Variants in SGCZ observed in about 807,000 individuals in gnomAD.
SGCZ encodes zeta-sarcoglycan.
A neutral mutation model predicts 41.3 loss-of-function variants in SGCZ; 40 were observed. The ratio of observed to expected loss-of-function variants is 0.97; its 90% CI spans 0.75 to 1.26. The LOEUF (loss-of-function observed/expected upper bound fraction) is 1.26. Ranked by LOEUF, SGCZ falls within the 50% of genes most tolerant of loss-of-function variation. SGCZ has a pLI of 0.00. For synonymous variants in SGCZ, 206 were observed against 137.5 expected (o/e 1.50, Z -3.49); for missense variants, 552 against 369.8 (o/e 1.49, Z -4.04).
chr8:14,479,390 C>T (rs78913447), intron 2 of SGCZ, among the ~76,000 whole-genome samples: 4,972 of 152,246 alleles, frequency 0.033, 257 homozygotes, highest in African/African-American at 0.11. Flanking sequence ...ATTTCAGCAG[C>T]GTTCGCAGCT....
intron 1 of SGCZ, among the ~76,000 whole-genome samples, chr8:14,850,190 T>C (rs1003470592): frequency 6.6e-6 from 1 of 152,228 alleles, no homozygotes; most frequent in East Asian, 1.9e-4. Context: ...TAAATTTCAT[T>C]ACATAATATT....
chr8:14,959,836 A>G (rs1475497993), intron 1 of SGCZ, among the ~76,000 whole-genome samples: 1 of 152,176 alleles, frequency 6.6e-6, no homozygotes, highest in African/African-American at 2.4e-5. Context: ...TCTTGTTTTT[A>G]GAAAAAGGAC....
At chr8:15,224,231 T>C (rs1394512774) in intron 1 of SGCZ, among the ~76,000 whole-genome samples, 1 of 152,178 alleles carries the variant, frequency 6.6e-6, no homozygotes, top group East Asian at 1.9e-4. Context: ...TTTTCTTCTT[T>C]CATAAAGATT....
intron 2 of SGCZ, among the ~76,000 whole-genome samples, chr8:14,423,089 A>G (rs963792948): frequency 6.6e-6 from 1 of 151,990 alleles, no homozygotes. Flanking sequence ...ATGAGTGTTC[A>G]TAGGTAAACC....
At chr8:14,329,237 C>G (rs918356364) in intron 2 of SGCZ, among the ~76,000 whole-genome samples, 9 of 152,082 alleles carry the variant, frequency 5.9e-5, no homozygotes, top group African/African-American at 2.2e-4. Context: ...TAACTGTTGA[C>G]TTTGACATGT....
intron 2 of SGCZ, among the ~76,000 whole-genome samples, chr8:14,518,996 G>C (rs1443733294): frequency 6.7e-6 from 1 of 150,348 alleles, no homozygotes; most frequent in African/African-American, 2.5e-5. Flanking sequence ...TTGAACCCAG[G>C]AGGCATAGTT....
intron 1 of SGCZ, among the ~76,000 whole-genome samples, chr8:14,967,341 C>T (rs547702523): frequency 7.2e-5 from 11 of 152,266 alleles, no homozygotes; most frequent in African/African-American, 2.4e-4. Context: ...TCTGGTCTAA[C>T]TGCCCATGGT....
At chr8:15,120,928 C>A (rs183733626) in intron 1 of SGCZ, among the ~76,000 whole-genome samples, 2 of 152,252 alleles carry the variant, frequency 1.3e-5, no homozygotes, top group African/African-American at 4.8e-5. Flanking sequence ...TGAAGATGGC[C>A]TTCTTTGGTA....
At chr8:14,976,032 T>A (rs71514481) in intron 1 of SGCZ, among the ~76,000 whole-genome samples, 53,740 of 145,822 alleles carry the variant, frequency 0.37, 10,654 homozygotes, top group Non-Finnish European at 0.43. Flanking sequence ...ATATATTTTT[T>A]TTTTTTCTGA....
chr8:14,804,742 C>T (rs1454606112), intron 1 of SGCZ, among the ~76,000 whole-genome samples: 3 of 107,168 alleles, frequency 2.8e-5, no homozygotes, highest in Admixed American at 1.1e-4. Flanking sequence ...CACAAAGATA[C>T]TCCTCGAGAA....
At chr8:14,963,219 T>C (rs910002617) in intron 1 of SGCZ, among the ~76,000 whole-genome samples, 1 of 152,198 alleles carries the variant, frequency 6.6e-6, no homozygotes, top group African/African-American at 2.4e-5. Flanking sequence ...AGGTACTGTG[T>C]GTATATGTGT....
chr8:14,811,518 CTTTTTTTTTTTTTTTT>C (rs71209087), intron 1 of SGCZ, among the ~76,000 whole-genome samples: 11 of 49,746 alleles, frequency 2.2e-4, no homozygotes, highest in Admixed American at 7.5e-4. Context: ...GACACTGCAT[CTTTTTTTTTTTTTTTT>C]TTTTTTTTTT....
intron 1 of SGCZ, among the ~76,000 whole-genome samples, chr8:14,900,547 CTGAATGACAGCCCTGAT>C (rs1798938584): frequency 6.6e-6 from 1 of 152,084 alleles, no homozygotes; most frequent in South Asian, 2.1e-4. Context: ...TGGGTCCAAG[CTGAATGACAGCCCTGAT>C]TCTACTTACC....
intron 7 of SGCZ, among the ~76,000 whole-genome samples, chr8:14,100,654 A>C (rs992164453): frequency 1.3e-5 from 2 of 149,826 alleles, no homozygotes; most frequent in Non-Finnish European, 3.0e-5. Context: ...TTAGATTGCT[A>C]GATCACTTAT....
At chr8:14,457,755 G>A (rs1418071164) in intron 2 of SGCZ, among the ~76,000 whole-genome samples, 1 of 152,186 alleles carries the variant, frequency 6.6e-6, no homozygotes, top group Non-Finnish European at 1.5e-5. Context: ...CCCCTGTCCA[G>A]TGGACACGTG....
chr8:14,926,419 A>T (rs989380741), intron 1 of SGCZ, among the ~76,000 whole-genome samples: 1 of 152,110 alleles, frequency 6.6e-6, no homozygotes, highest in Non-Finnish European at 1.5e-5. Context: ...ATTTTGCTAA[A>T]TTTTTTTGGA....
At chr8:15,147,243 C>T (rs145591750) in intron 1 of SGCZ, among the ~76,000 whole-genome samples, 4 of 152,196 alleles carry the variant, frequency 2.6e-5, no homozygotes, top group Admixed American at 6.5e-5. Context: ...CAACCTACCC[C>T]ATCCCTCATG....
chr8:15,177,378 A>G (rs1800031742), intron 1 of SGCZ, among the ~76,000 whole-genome samples: 1 of 152,226 alleles, frequency 6.6e-6, no homozygotes, highest in Non-Finnish European at 1.5e-5. Context: ...TTGTAAAATA[A>G]GGAGCTGAGG....
chr8:14,206,080 T>C (rs1314602700), intron 4 of SGCZ, among the ~76,000 whole-genome samples: 2 of 152,136 alleles, frequency 1.3e-5, no homozygotes, highest in Non-Finnish European at 1.5e-5. Context: ...TTCTCTACCA[T>C]TTAACAAAGC....
Sources: allele counts gnomAD v4.1 joint callset (sites outside exome capture counted in the v4.1 genomes callset), GRCh38; gene constraint gnomAD v4.1.1; transcripts MANE v1.5; gene names NCBI Gene and HGNC (gene_info 2026-07-23, HGNC 2026-07-21).